PWWP2A: variants seen among roughly 807,000 people sequenced by gnomAD.
PWWP2A encodes the protein PWWP domain-containing protein 2A.
Under a neutral mutation model 48.5 loss-of-function variants are expected in PWWP2A, and 18 were observed. That is an observed-to-expected ratio of 0.37 (90% CI 0.26 to 0.55). The LOEUF (loss-of-function observed/expected upper bound fraction) is 0.55. PWWP2A is among the 20% of genes least tolerant of loss of function. The pLI, the probability that PWWP2A is intolerant of heterozygous loss-of-function variation, is 0.81. For missense variants in PWWP2A, 867 were observed against 976.4 expected, an observed-to-expected ratio of 0.89 and a Z score of 1.49; for synonymous variants, 396 against 387.7, an observed-to-expected ratio of 1.02 and a Z score of -0.25.
At chr5:160,089,138 C>T (rs1754868373), downstream of PWWP2A, among the ~76,000 whole-genome samples, 1 of 152,112 alleles carries the variant, frequency 6.6e-6, no homozygotes, top group African/African-American at 2.4e-5. Context: ...GACACACCAC[C>T]ACGTTATGCA....
At chr5:160,114,707 G>C (rs1757926785) in intron 1 of PWWP2A, among the ~76,000 whole-genome samples, 1 of 150,574 alleles carries the variant, frequency 6.6e-6, no homozygotes, top group Admixed American at 6.6e-5. Flanking sequence ...AGGTTGCAGT[G>C]AGCCGAGATT....
At chr5:160,045,147 A>G in the PWWP2A span, among the ~76,000 whole-genome samples, 3 of 152,146 alleles carry the variant, frequency 2.0e-5, no homozygotes, top group African/African-American at 7.2e-5. Context: ...TCTGTAACCA[A>G]ATGGTGAAAA....
intron 1 of PWWP2A, among the ~76,000 whole-genome samples, chr5:160,095,489 A>G (rs1322833895): frequency 1.3e-5 from 2 of 152,110 alleles, no homozygotes; most frequent in African/African-American, 4.8e-5. Flanking sequence ...GACTATATGC[A>G]CTATTTGATT....
intron 1 of PWWP2A, among the ~76,000 whole-genome samples, chr5:160,097,876 T>A (rs1270339178): frequency 6.6e-6 from 1 of 151,676 alleles, no homozygotes; most frequent in African/African-American, 2.4e-5. Context: ...CCATCACGCC[T>A]GGCTAATTTT....
the PWWP2A span, among the ~76,000 whole-genome samples, chr5:160,054,096 T>A: frequency 2.8e-4 from 43 of 151,954 alleles, no homozygotes; most frequent in Admixed American, 8.5e-4. Flanking sequence ...TGTTTGTTTG[T>A]TTGGTCCTTT....
intron 1 of PWWP2A, among the ~76,000 whole-genome samples, chr5:160,102,526 C>T (rs1756427373): frequency 6.6e-6 from 1 of 151,560 alleles, no homozygotes; most frequent in Admixed American, 6.6e-5. Context: ...CACAGTGAGA[C>T]CTGATCTCAT....
downstream of PWWP2A, among the ~76,000 whole-genome samples, chr5:160,088,203 T>C (rs1754790225): frequency 6.6e-6 from 1 of 152,202 alleles, no homozygotes; most frequent in Non-Finnish European, 1.5e-5. Context: ...TATTTCTGAA[T>C]TCCCTTATGT....
chr5:160,100,730 G>A (rs1756186547), intron 1 of PWWP2A, among the ~76,000 whole-genome samples: 1 of 152,238 alleles, frequency 6.6e-6, no homozygotes, highest in African/African-American at 2.4e-5. Flanking sequence ...ACTGAAGCAA[G>A]CTTATTGTGG....
At chr5:160,074,045 A>G (rs1174486133), downstream of PWWP2A, among the ~76,000 whole-genome samples, 3 of 150,700 alleles carry the variant, frequency 2.0e-5, no homozygotes, top group Non-Finnish European at 4.4e-5. Flanking sequence ...AGCCTGGGTG[A>G]CAGAGTGAGA....
intron 1 of PWWP2A, among the ~76,000 whole-genome samples, chr5:160,111,721 C>A (rs1250824824): frequency 6.6e-6 from 1 of 152,140 alleles, no homozygotes; most frequent in Non-Finnish European, 1.5e-5. Flanking sequence ...AGATTAAGGA[C>A]AAAATGAGAA....
chr5:160,061,764 A>T (rs1753419501), downstream of PWWP2A: 1 of 152,172 alleles, frequency 6.6e-6, no homozygotes, highest in Non-Finnish European at 1.5e-5. Flanking sequence ...TCTATGTGTT[A>T]GTTTGGGTCA....
chr5:160,113,920 G>A (rs1757842524), intron 1 of PWWP2A, among the ~76,000 whole-genome samples: 1 of 151,956 alleles, frequency 6.6e-6, no homozygotes, highest in Non-Finnish European at 1.5e-5. Flanking sequence ...ACCTACATCT[G>A]AATCTTGCTT....
chr5:160,070,814 G>C (rs1753722939), intron 2 of PWWP2A, among the ~76,000 whole-genome samples: 1 of 152,194 alleles, frequency 6.6e-6, no homozygotes, highest in South Asian at 2.1e-4. Flanking sequence ...CCAAAGACAT[G>C]AATGTTTGTG....
At chr5:160,114,204 T>C (rs2113677398) in intron 1 of PWWP2A, among the ~76,000 whole-genome samples, 1 of 152,280 alleles carries the variant, frequency 6.6e-6, no homozygotes, top group East Asian at 1.9e-4. Context: ...ATCCCAACAC[T>C]TTGGGAGTGT....
chr5:160,107,566 C>G (rs917049822), intron 1 of PWWP2A, among the ~76,000 whole-genome samples: 5 of 152,170 alleles, frequency 3.3e-5, no homozygotes, highest in African/African-American at 1.2e-4. Flanking sequence ...TCAGCCATTA[C>G]AGTGAAGATA....
the PWWP2A span, among the ~76,000 whole-genome samples, chr5:160,053,646 C>A: frequency 6.6e-6 from 1 of 152,164 alleles, no homozygotes. Context: ...ATCACTTTAG[C>A]TTTCAGAGTC....
At chr5:160,056,879 T>G (rs1381652539), downstream of PWWP2A, among the ~76,000 whole-genome samples, 2 of 152,230 alleles carry the variant, frequency 1.3e-5, no homozygotes, top group Non-Finnish European at 2.9e-5. Flanking sequence ...TAGAAGGTCC[T>G]AGAATCAGCT....
Position 160,092,690 on chromosome 5 carries a change from A to G in PWWP2A, c.1960T>C (p.Cys654Arg). The change falls in exon 2 of 2, where the codon TGT becomes CGT. Residue 654 changes from cysteine to arginine, a missense_variant. Physicochemically the swap from Cys to Arg is radical, Grantham distance 180. Around this residue, in one of 4 missense-constraint regions of PWWP2A, gnomAD observed 97 missense variants for 151.7 expected, o/e 0.64. Coordinates refer to ENST00000307063, the MANE Select transcript of PWWP2A (RefSeq NM_001130864.2). Reference sequence around the variant, plus strand: ...TTGGCCCAAACAATGTCCCCTACACATATGGTCCTGCCATCTGGTGTGACG... The same window carrying G: ...TTGGCCCAAACAATGTCCCCTACACGTATGGTCCTGCCATCTGGTGTGACG... ...KCVTPDGRTICVGDIVWAKIY... is the reference protein window; with the variant it reads ...KCVTPDGRTIRVGDIVWAKIY... 1 of 1,551,672 alleles carries G rather than the reference A, an allele frequency of 6.4e-7. No individual in the cohort carries two copies. The highest frequency in any genetic ancestry group is 1.2e-5 in the South Asian group (1 of 84,058).
In PWWP2A at chr5:160,106,714, TCAC is replaced by T. The variant is rs989580959; in HGVS notation, c.584+12088_584+12090del. On this transcript the variant is annotated intron_variant, in intron 1 of 1. Coordinates refer to ENST00000307063, the MANE Select transcript of PWWP2A (RefSeq NM_001130864.2). ...TTCAGGAAATCATTTGCAAGACTAATCACCAGCTCTACAATAAGGATTTAGATC... is the reference window on the plus strand; with the variant it reads ...TTCAGGAAATCATTTGCAAGACTAATCAGCTCTACAATAAGGATTTAGATC... Among the ~76,000 whole-genome samples, 16 of 151,738 alleles carry T rather than the reference TCAC, an allele frequency of 1.1e-4. 1 individual carries two copies. The highest frequency in any genetic ancestry group is 2.4e-4 in the Non-Finnish European group (16 of 67,968).
Sources: allele counts gnomAD v4.1 joint callset (sites outside exome capture counted in the v4.1 genomes callset), GRCh38; gene constraint gnomAD v4.1.1; regional missense constraint gnomAD v4.1.1; transcripts MANE v1.5; gene names NCBI Gene and HGNC (gene_info 2026-07-23, HGNC 2026-07-21).